The following SORCS3 variants were observed in gnomAD, a reference collection of about 807,000 sequenced individuals.
SORCS3 encodes VPS10 domain-containing receptor SorCS3.
A neutral mutation model predicts 146.3 loss-of-function variants in SORCS3; 57 were observed. The ratio of observed to expected loss-of-function variants is 0.39; its 90% confidence interval spans 0.31 to 0.49. SORCS3 has a LOEUF of 0.49. Among genes scored for constraint, SORCS3 ranks in the 20% least tolerant of loss-of-function variants. SORCS3 has a pLI of 0.92. For missense variants in SORCS3, 1,341 were observed against 1,575.5 expected, an observed-to-expected ratio of 0.85 and a Z score of 2.52; for synonymous variants, 653 against 618.5, an observed-to-expected ratio of 1.06 and a Z score of -0.83.
chr10:105,164,459 C>T (rs1204133606), intron 12 of SORCS3, 80 bp downstream of exon 12: 1 of 1,012,960 alleles, frequency 9.9e-7, no homozygotes, highest in East Asian at 2.4e-5. Context: ...TATAGATTCT[C>T]AGCCTCATTA....
chr10:104,696,033 A>AAT (rs1554844291), intron 1 of SORCS3, among the ~76,000 whole-genome samples: 1 of 125,716 alleles, frequency 8.0e-6, no homozygotes, highest in African/African-American at 3.1e-5. Context: ...ATACACATAT[A>AAT]ATATATAATA....
chr10:104,967,203 C>A (rs1031123084), intron 3 of SORCS3, among the ~76,000 whole-genome samples: 4 of 152,136 alleles, frequency 2.6e-5, no homozygotes, highest in Non-Finnish European at 5.9e-5. Flanking sequence ...TGACAATTAT[C>A]TACCAATTGG....
chr10:104,902,105 G>A (rs955449121), intron 2 of SORCS3, among the ~76,000 whole-genome samples: 3 of 152,148 alleles, frequency 2.0e-5, no homozygotes, highest in Non-Finnish European at 4.4e-5. Context: ...CATTGTTTTT[G>A]GTTGGAAACA....
intron 4 of SORCS3, among the ~76,000 whole-genome samples, chr10:104,989,430 C>T (rs2054981454): frequency 6.6e-6 from 1 of 152,162 alleles, no homozygotes; most frequent in Non-Finnish European, 1.5e-5. Context: ...TCAGAACTAC[C>T]TGATTTATGG....
chr10:104,738,437 G>A (rs1470080682), intron 1 of SORCS3, among the ~76,000 whole-genome samples: 2 of 152,204 alleles, frequency 1.3e-5, no homozygotes, highest in East Asian at 1.9e-4. Context: ...GTTTATGGAT[G>A]TAGCCTCTTA....
intron 9 of SORCS3, 112 bp downstream of exon 9, chr10:105,147,908 G>A (rs933166661): frequency 4.7e-6 from 4 of 856,552 alleles, no homozygotes; most frequent in Non-Finnish European, 7.1e-6. Context: ...GTACCACTTA[G>A]CAATTGTATG....
intron 14 of SORCS3, among the ~76,000 whole-genome samples, chr10:105,189,665 A>G (rs1044156866): frequency 2.0e-5 from 3 of 152,206 alleles, no homozygotes; most frequent in African/African-American, 7.2e-5. Flanking sequence ...GTTTCCCATG[A>G]AGAGCAGTCA....
chr10:104,877,921 A>C lies in SORCS3; in HGVS notation c.695+35062A>C, dbSNP rs182488898. 1.6e-4 allele frequency among the ~76,000 whole-genome samples: 24 copies of C among 152,330 alleles called. No individual in the cohort carries two copies. The East Asian group carries it at 4.2e-3, about 27-fold the overall frequency. On this transcript the variant is annotated intron_variant, in intron 2 of 26. Transcript: ENST00000369701. ...TGAGGTCTCCTTAGGAATAATACTT[A>C]GATTTTGAAAATCTGTTTACTTATT...
rs959900058 is a variant in SORCS3 at position 105,263,257 on chromosome 10, C to T, written c.3605-53C>T. 7.8e-5 allele frequency: 123 copies of T among 1,573,850 alleles called. No individual in the cohort carries two copies. The South Asian group carries it at 1.3e-3, about 17-fold the overall frequency. ...TTAGCAGTGAATAAAACTAAGATCC[C>T]TGCCCTTGTGGAACTCACATCCATT... On this transcript the variant is annotated intron_variant, in intron 26 of 26. Coordinates refer to ENST00000369701, the MANE Select transcript of SORCS3 (RefSeq NM_014978.3).
intron 3 of SORCS3, among the ~76,000 whole-genome samples, chr10:104,922,502 A>G (rs1020484378): frequency 7.2e-5 from 11 of 152,212 alleles, no homozygotes; most frequent in African/African-American, 2.2e-4. Context: ...GATGTGGGCC[A>G]GGTAGAGACT....
intron 4 of SORCS3, among the ~76,000 whole-genome samples, chr10:105,036,402 G>T (rs2055307005): frequency 6.6e-6 from 1 of 152,120 alleles, no homozygotes; most frequent in Non-Finnish European, 1.5e-5. Flanking sequence ...AGGGAACCTT[G>T]TGCTATTCAC....
At chr10:104,921,497 C>G (rs2019086401) in intron 3 of SORCS3, among the ~76,000 whole-genome samples, 1 of 129,532 alleles carries the variant, frequency 7.7e-6, no homozygotes. Context: ...CTCTCTCTCT[C>G]TCTCTCTGTG....
At chr10:105,184,051 A>G (rs939466079) in intron 14 of SORCS3, among the ~76,000 whole-genome samples, 3 of 152,224 alleles carry the variant, frequency 2.0e-5, no homozygotes. Context: ...ATTGAAGAAC[A>G]TTGGACATGT....
intron 2 of SORCS3, among the ~76,000 whole-genome samples, chr10:104,911,579 C>T (rs1208618383): frequency 1.3e-5 from 2 of 152,058 alleles, no homozygotes; most frequent in African/African-American, 2.4e-5. Flanking sequence ...AAGACTTTTG[C>T]TATAGATAGT....
chr10:104,922,525 T>G (rs969590508), intron 3 of SORCS3, among the ~76,000 whole-genome samples: 1 of 152,206 alleles, frequency 6.6e-6, no homozygotes, highest in Non-Finnish European at 1.5e-5. Context: ...GAAGCCCCTC[T>G]GTAAAGGGCC....
intron 5 of SORCS3, among the ~76,000 whole-genome samples, chr10:105,065,880 A>G (rs2055519478): frequency 6.6e-6 from 1 of 152,220 alleles, no homozygotes; most frequent in African/African-American, 2.4e-5. Flanking sequence ...GTCCCATCAA[A>G]TTGCTCAAAA....
chr10:104,832,171 T>C (rs1490279854), intron 1 of SORCS3, among the ~76,000 whole-genome samples: 1 of 152,210 alleles, frequency 6.6e-6, no homozygotes, highest in African/African-American at 2.4e-5. Flanking sequence ...CCTTTACCAC[T>C]GTAGTCTTCC....
intron 4 of SORCS3, among the ~76,000 whole-genome samples, chr10:105,022,328 G>A (rs1300918934): frequency 3.8e-5 from 5 of 130,072 alleles, no homozygotes; most frequent in South Asian, 2.4e-4. Context: ...ACGGAGTTTC[G>A]TTCTTGTTGC....
At chr10:104,973,223 G>A (rs1333557549) in intron 3 of SORCS3, among the ~76,000 whole-genome samples, 1 of 152,084 alleles carries the variant, frequency 6.6e-6, no homozygotes, top group Non-Finnish European at 1.5e-5. Flanking sequence ...ATGAGTTAGG[G>A]AGGATTCCCT....
Sources: gnomAD v4.1 joint callset for allele counts (sites outside exome capture counted in the v4.1 genomes callset) on GRCh38, gnomAD v4.1.1 for gene constraint, MANE v1.5 for transcripts, NCBI Gene and HGNC (gene_info 2026-07-23, HGNC 2026-07-21) for gene names.